The following TAF3 variants were observed in gnomAD, a reference collection of about 807,000 sequenced individuals.
The protein encoded by TAF3 is transcription initiation factor TFIID subunit 3.
Under a neutral mutation model 80.6 loss-of-function variants are expected in TAF3, and 7 were observed. That is an observed-to-expected ratio of 0.09 (90% CI 0.05 to 0.16). The LOEUF (loss-of-function observed/expected upper bound fraction) is 0.16, where lower values mean the gene tolerates loss of function less well. Ranked by LOEUF, TAF3 falls within the 10% of genes least tolerant of loss-of-function variation. The pLI is 1.00. For synonymous variants in TAF3, 444 were observed against 446.1 expected, an observed-to-expected ratio of 1.00 and a Z score of 0.06; for missense variants, 921 against 1,140.2, an observed-to-expected ratio of 0.81 and a Z score of 2.77.
At chr10:7,932,487 G>A (rs912715999) in intron 2 of TAF3, among the ~76,000 whole-genome samples, 2 of 152,110 alleles carry the variant, frequency 1.3e-5, no homozygotes, top group Admixed American at 1.3e-4. Context: ...GAGAGAGGGA[G>A]GAGAGAGATT....
intron 2 of TAF3, among the ~76,000 whole-genome samples, chr10:7,915,927 G>C (rs1837707573): frequency 6.6e-6 from 1 of 151,596 alleles, no homozygotes; most frequent in Non-Finnish European, 1.5e-5. Flanking sequence ...GCAGTGAGCT[G>C]AGGTTGCACC....
chr10:7,990,772 G>A (rs982678279), intron 4 of TAF3, among the ~76,000 whole-genome samples: 3 of 152,192 alleles, frequency 2.0e-5, no homozygotes, highest in African/African-American at 7.2e-5. Context: ...TGGGAGTGGA[G>A]TGAAGAGGAA....
intron 2 of TAF3, among the ~76,000 whole-genome samples, chr10:7,897,672 C>T (rs1228591451): frequency 2.7e-5 from 4 of 149,540 alleles, no homozygotes; most frequent in African/African-American, 4.9e-5. Context: ...TTCTTTCTTT[C>T]TTTCTTTTTT....
chr10:7,984,388 A>G (rs1299618731), intron 4 of TAF3, among the ~76,000 whole-genome samples: 2 of 152,216 alleles, frequency 1.3e-5, no homozygotes, highest in Admixed American at 6.5e-5. Context: ...AAGCATTTCC[A>G]TCTTACTTGT....
chr10:7,879,495 G>C (rs1363094659), intron 2 of TAF3, among the ~76,000 whole-genome samples: 2 of 152,164 alleles, frequency 1.3e-5, no homozygotes, highest in Non-Finnish European at 2.9e-5. Flanking sequence ...ACAGTGAACT[G>C]TCTTATTTGG....
chr10:7,913,706 A>G (rs533292322), intron 2 of TAF3, among the ~76,000 whole-genome samples: 1 of 152,276 alleles, frequency 6.6e-6, no homozygotes, highest in African/African-American at 2.4e-5. Context: ...CAACCCATTG[A>G]TGAATCTTGA....
At chr10:7,959,192 C>T (rs949348543) in intron 2 of TAF3, among the ~76,000 whole-genome samples, 5 of 151,912 alleles carry the variant, frequency 3.3e-5, no homozygotes, top group South Asian at 2.1e-4. Context: ...TTTTTTCTGA[C>T]GAAGTCCTTT....
At chr10:7,874,772 T>G (rs1444398198) in intron 2 of TAF3, among the ~76,000 whole-genome samples, 1 of 152,092 alleles carries the variant, frequency 6.6e-6, no homozygotes, top group East Asian at 1.9e-4. Flanking sequence ...TGCATTTCTT[T>G]TCTTTTCTAG....
chr10:7,890,999 G>A (rs1311223698), intron 2 of TAF3, among the ~76,000 whole-genome samples: 4 of 152,186 alleles, frequency 2.6e-5, no homozygotes, highest in Non-Finnish European at 2.9e-5. Context: ...CTGAACTTGC[G>A]GATGCCAGTA....
chr10:7,873,624 C>CA (rs534485372), intron 2 of TAF3, among the ~76,000 whole-genome samples: 1 of 143,536 alleles, frequency 7.0e-6, no homozygotes, highest in Non-Finnish European at 1.6e-5. Context: ...TTCTCCCCCC[C>CA]CCCCCGTCAA....
In TAF3 at chr10:7,818,682, A is replaced by G. The variant is rs1378144096; in HGVS notation, c.-28A>G. 1 of 1,595,746 alleles carries G rather than the reference A, an allele frequency of 6.3e-7. No homozygotes were observed. The highest frequency in any genetic ancestry group is 1.4e-5 in the African/African-American group (1 of 73,250). ...GCGGGGCTGGAGAGCAGTGGCAGCAAGGGCTGCGGTGGCGTCCACGCAGCG... is the reference window on the plus strand; with the variant it reads ...GCGGGGCTGGAGAGCAGTGGCAGCAGGGGCTGCGGTGGCGTCCACGCAGCG... On this transcript the variant is annotated 5_prime_UTR_variant, in exon 1 of 7. Transcript: ENST00000344293.
At chr10:8,007,385 G>T (rs1832004518) in intron 4 of TAF3, among the ~76,000 whole-genome samples, 1 of 151,340 alleles carries the variant, frequency 6.6e-6, no homozygotes, top group Admixed American at 6.6e-5. Context: ...GGCAGGAAAG[G>T]TACAGAGAAA....
intron 3 of TAF3, among the ~76,000 whole-genome samples, chr10:7,968,622 C>G (rs1452944411): frequency 3.9e-5 from 6 of 152,138 alleles, no homozygotes; most frequent in African/African-American, 1.4e-4. Flanking sequence ...CACTTTAATT[C>G]CTTACCACAA....
At chr10:7,995,918 C>T (rs190777743) in intron 4 of TAF3, among the ~76,000 whole-genome samples, 2 of 152,228 alleles carry the variant, frequency 1.3e-5, no homozygotes, top group Admixed American at 1.3e-4. Context: ...TCATAATTGT[C>T]TTTGGGTATT....
intron 2 of TAF3, among the ~76,000 whole-genome samples, chr10:7,945,330 A>C (rs1838014557): frequency 6.6e-6 from 1 of 152,184 alleles, no homozygotes; most frequent in Non-Finnish European, 1.5e-5. Context: ...AAATCTGACC[A>C]GTCATCTTAT....
At chr10:7,894,872 TTTG>T (rs1035367552) in intron 2 of TAF3, among the ~76,000 whole-genome samples, 3 of 152,062 alleles carry the variant, frequency 2.0e-5, no homozygotes, top group Non-Finnish European at 2.9e-5. Flanking sequence ...AATTCCCTTT[TTTG>T]TTGTTGTTGT....
chr10:7,968,027 C>T (rs1313641928), intron 3 of TAF3, among the ~76,000 whole-genome samples: 1 of 152,078 alleles, frequency 6.6e-6, no homozygotes, highest in Non-Finnish European at 1.5e-5. Context: ...GTTTAAATCC[C>T]CCAAGCACCA....
At chr10:7,978,259 T>C (rs2131420615) in intron 4 of TAF3, among the ~76,000 whole-genome samples, 1 of 152,322 alleles carries the variant, frequency 6.6e-6, no homozygotes, top group South Asian at 2.1e-4. Context: ...TGAATTTATT[T>C]AGTAGAGAGG....
At chr10:7,853,090 T>A (rs1837044535) in intron 2 of TAF3, among the ~76,000 whole-genome samples, 1 of 152,244 alleles carries the variant, frequency 6.6e-6, no homozygotes, top group South Asian at 2.1e-4. Context: ...ATACCCATTT[T>A]TGAGAGTGAG....
Sources: allele counts gnomAD v4.1 joint callset (sites outside exome capture counted in the v4.1 genomes callset), GRCh38; gene constraint gnomAD v4.1.1; transcripts MANE v1.5; gene names NCBI Gene and HGNC (gene_info 2026-07-23, HGNC 2026-07-21).